Variants in LRP1 observed in about 807,000 individuals in gnomAD.
LRP1 encodes the protein LDL receptor related protein 1.
In LRP1, 51 loss-of-function variants were observed where a neutral mutation model predicts 541.5. The ratio of observed to expected loss-of-function variants is 0.09; its 90% CI spans 0.08 to 0.12. The LOEUF is 0.12. Among genes scored for constraint, LRP1 ranks in the 10% least tolerant of loss-of-function variants. The pLI is 1.00. For synonymous variants in LRP1, 2,219 were observed against 2,470.8 expected, an observed-to-expected ratio of 0.90 and a Z score of 3.02; for missense variants, 3,878 against 6,376.2, an observed-to-expected ratio of 0.61 and a Z score of 13.34.
At position 57,173,695 on chromosome 12, in the gene LRP1, T is replaced by C. The variant is rs1565732636; in HGVS notation, c.3347-85T>C. The C allele has an allele frequency of 3.5e-6, 5 of 1,425,754 alleles. No individual in the cohort carries two copies. Among genetic ancestry groups the C allele is most frequent in the African/African-American group, 1.4e-5 (1 of 71,200 alleles). 88.3% of individuals were successfully genotyped at this position (1,425,754 alleles called of 1,614,324 possible). On this transcript the variant is annotated intron_variant, in intron 21 of 88. Transcript: ENST00000243077. This position sits in a 1 kb window ranked among gnomAD's most constrained non-coding sequence, Gnocchi z 4.7. ...CACAGCGTTGCAATCCTGACCCTATTAGAGAAGCCCACAGGGTCTGGAAGG... is the reference window on the plus strand; with the variant it reads ...CACAGCGTTGCAATCCTGACCCTATCAGAGAAGCCCACAGGGTCTGGAAGG...
In LRP1 at chr12:57,154,706, G is replaced by A. The variant is rs1194814539; in HGVS notation, c.1227+5G>A. 1 of 1,554,126 alleles carries A rather than the reference G, an allele frequency of 6.4e-7. No homozygotes were observed. Among genetic ancestry groups the A allele is most frequent in the Non-Finnish European group, 8.7e-7 (1 of 1,148,244 alleles). ...ACCATCATCCAGGGCATCCTGGTGA[G>A]GGAGCTACTGTCTGAGGTTTTGTGG... On this transcript the variant is annotated splice_donor_5th_base_variant and intron_variant, in intron 8 of 88. Transcript: ENST00000243077. This position sits in a 1 kb window ranked among gnomAD's most constrained non-coding sequence, Gnocchi z 4.6.
chr12:57,178,351 G>C lies in LRP1; in HGVS notation c.4362-8G>C. 6.2e-7 allele frequency: 1 copy of C among 1,610,250 alleles called. No individual in the cohort carries two copies. The highest frequency in any genetic ancestry group is 8.5e-7 in the Non-Finnish European group (1 of 1,177,068). On this transcript the variant is annotated splice_region_variant and splice_polypyrimidine_tract_variant and intron_variant, in intron 26 of 88. Transcript: ENST00000243077. This position sits in a 1 kb window ranked among gnomAD's most constrained non-coding sequence, Gnocchi z 5.8. ...TGGCATCCTCATTCTGCTCCATCATGCTCTTAGGTCAGATGCCATTTACTC... is the reference window on the plus strand; with the variant it reads ...TGGCATCCTCATTCTGCTCCATCATCCTCTTAGGTCAGATGCCATTTACTC...
chr12:57,130,894 G>A (rs778349842), intron 1 of LRP1, among the ~76,000 whole-genome samples: 1 of 152,104 alleles, frequency 6.6e-6, no homozygotes, highest in Non-Finnish European at 1.5e-5. Flanking sequence ...ACTATCCAAA[G>A]CCCCAGGAGA....
rs2036120514 is a variant in LRP1, at chr12:57,179,574, A to G, written c.4966+18A>G. On this transcript the variant is annotated intron_variant, in intron 29 of 88. Coordinates refer to ENST00000243077, the MANE Select transcript of LRP1 (RefSeq NM_002332.3). The surrounding 1 kb of genome is among the most constrained non-coding windows in gnomAD (Gnocchi z 6.8). ...CTCTGCAGGTTCTTCCTGGCCCTGG[A>G]TGCCCACCAGTGGACATGGGCACCT... The G allele has an allele frequency of 3.1e-6, 5 of 1,608,152 alleles. No homozygotes were observed. Among genetic ancestry groups the G allele is most frequent in the Non-Finnish European group, 4.3e-6 (5 of 1,175,374 alleles).
rs373019949 is a variant in LRP1 at position 57,194,389 on chromosome 12, G to A, written c.7954G>A (p.Val2652Met). 1.1e-5 allele frequency: 16 copies of A among 1,515,098 alleles called. No homozygotes were observed. The highest frequency in any genetic ancestry group is 2.8e-5 in the African/African-American group (2 of 71,666). The allele number at this position is 1,515,098 out of a possible 1,614,324, so 93.9% of individuals were successfully genotyped here. A position where few individuals can be genotyped will look rare whatever the true frequency, so the allele number is the denominator to read the frequency against. ...CTGCAGCAGCTACTTCCGCCTGGGC[G>A]TGAAGGGCGTGCTCTTCCAGCCCTG... is the stretch of plus-strand genomic sequence containing the variant. ...TDCSSYFRLG[V>M]KGVLFQPCER... The change falls in exon 49 of 89, where the codon GTG (valine) becomes ATG (methionine). Residue 2652 changes from valine to methionine, a missense_variant. Physicochemically the swap from Val to Met is conservative, Grantham distance 21. This residue lies in a region of LRP1 where 1,100 missense variants were observed against 1,827.4 expected (regional missense o/e 0.60). Coordinates refer to ENST00000243077, the MANE Select transcript of LRP1 (RefSeq NM_002332.3).
At chr12:57,192,421 G>A (rs576528804) in intron 44 of LRP1, among the ~76,000 whole-genome samples, 1 of 152,070 alleles carries the variant, frequency 6.6e-6, no homozygotes, top group Non-Finnish European at 1.5e-5. Flanking sequence ...CTCACTTGGA[G>A]CCACACAGAC....
At position 57,128,683 on chromosome 12, in the gene LRP1, C is replaced by T. The variant is rs1469152801; in HGVS notation, c.-282C>T. 2 of 412,512 alleles carry T rather than the reference C, an allele frequency of 4.8e-6. No homozygotes were observed. Among genetic ancestry groups the T allele is most frequent in the Admixed American group, 8.2e-5 (2 of 24,316 alleles). The allele number at this position is 412,512 out of a possible 1,614,324, so 25.6% of individuals were successfully genotyped here. On this transcript the variant is annotated 5_prime_UTR_variant, in exon 1 of 89. Coordinates refer to ENST00000243077, the MANE Select transcript of LRP1 (RefSeq NM_002332.3). ...CTCCGAGATGGGGCTGTGAGCTTCGCCCGGGGAGGGGGAAAGAGCAGCGAG... is the reference window on the plus strand; with the variant it reads ...CTCCGAGATGGGGCTGTGAGCTTCGTCCGGGGAGGGGGAAAGAGCAGCGAG...
chr12:57,138,687 T>C (rs1592601724), intron 2 of LRP1, 106 bp downstream of exon 2: 1 of 1,452,210 alleles, frequency 6.9e-7, no homozygotes, highest in East Asian at 2.3e-5. Flanking sequence ...ATGTGGACCT[T>C]GCTCAGTGAT....
chr12:57,180,764 C>G lies in LRP1; in HGVS notation c.5484C>G (p.Thr1828=). Residue 1828 remains threonine (T), a synonymous_variant, in exon 33 of 89, where the codon ACC becomes ACG. Coordinates refer to ENST00000243077, the MANE Select transcript of LRP1 (RefSeq NM_002332.3). Reference sequence around the variant, plus strand: ...CCGTGGTCCTTCGGAACAGCACCACCCTGGTGATGCACATGAAGGTCTATG... The same window carrying G: ...CCGTGGTCCTTCGGAACAGCACCACGCTGGTGATGCACATGAAGGTCTATG... ...SGSVVLRNST[T]LVMHMKVYDE... The G allele has an allele frequency of 6.2e-7, 1 of 1,614,062 alleles. No homozygotes were observed. The highest frequency in any genetic ancestry group is 8.5e-7 in the Non-Finnish European group (1 of 1,179,970).
chr12:57,173,811 T>C lies in LRP1; in HGVS notation c.3378T>C (p.Asp1126=). ...GCATCAGCAAAGCGTGGGTGTGTGA[T>C]GGCGACAATGACTGTGAGGATAACT... ...ARCISKAWVC[D]GDNDCEDNSD... The change falls in exon 22 of 89, where the codon GAT becomes GAC. Residue 1126 remains aspartate (D), a synonymous_variant. Coordinates refer to ENST00000243077, the MANE Select transcript of LRP1 (RefSeq NM_002332.3). The surrounding 1 kb of genome is among the most constrained non-coding windows in gnomAD (Gnocchi z 4.7). 6.2e-7 allele frequency: 1 copy of C among 1,614,224 alleles called. No homozygotes were observed. The highest frequency in any genetic ancestry group is 1.1e-5 in the South Asian group (1 of 91,088).
chr12:57,170,687 GGCACATGC>G (rs2035928122), intron 20 of LRP1, among the ~76,000 whole-genome samples: 1 of 152,128 alleles, frequency 6.6e-6, no homozygotes, highest in African/African-American at 2.4e-5. Context: ...TGGGCATGGA[GGCACATGC>G]CTGTAGTCCC....
intron 22 of LRP1, 104 bp from the exon 23 acceptor site, chr12:57,175,356 G>T (rs1358429072): frequency 7.3e-7 from 1 of 1,374,878 alleles, no homozygotes; most frequent in African/African-American, 1.4e-5. Flanking sequence ...CAGGGCACAA[G>T]GACTTGGTCC....
chr12:57,177,805 C>T lies in LRP1; in HGVS notation c.4361+214C>T, dbSNP rs2036079126. ...GTAGAGGAGGCGGAAGCAGGGCCAT[C>T]AGCTGTGGTTATTCACACTGTACCA... is the stretch of plus-strand genomic sequence containing the variant. On this transcript the variant is annotated intron_variant, in intron 26 of 88. Coordinates refer to ENST00000243077, the MANE Select transcript of LRP1 (RefSeq NM_002332.3). This position sits in a 1 kb window ranked among gnomAD's most constrained non-coding sequence, Gnocchi z 6.8. 6.6e-6 allele frequency among the ~76,000 whole-genome samples: 1 copy of T among 152,136 alleles called. No individual in the cohort carries two copies. Among genetic ancestry groups the T allele is most frequent in the South Asian group, 2.1e-4 (1 of 4,836 alleles).
chr12:57,188,880 T>C (rs992513784), intron 42 of LRP1, among the ~76,000 whole-genome samples: 6 of 151,824 alleles, frequency 4.0e-5, no homozygotes, highest in Non-Finnish European at 7.4e-5. Context: ...AGTGGCTGGG[T>C]GGGAGCATGG....
In LRP1 at chr12:57,200,038, C is replaced by T; in HGVS notation, c.10014+13C>T. ...CACGGCTAGCCAGGTGAGGCTGTCCCCCAGACCCCATCACCAGTGCCCGCT... is the reference window on the plus strand; with the variant it reads ...CACGGCTAGCCAGGTGAGGCTGTCCTCCAGACCCCATCACCAGTGCCCGCT... On this transcript the variant is annotated intron_variant, in intron 62 of 88. Coordinates refer to ENST00000243077, the MANE Select transcript of LRP1 (RefSeq NM_002332.3). 6.3e-7 allele frequency: 1 copy of T among 1,585,890 alleles called. No homozygotes were observed. Among genetic ancestry groups the T allele is most frequent in the Non-Finnish European group, 8.5e-7 (1 of 1,170,874 alleles).
At chr12:57,161,896 C>CTACA (rs2035741666) in intron 13 of LRP1, among the ~76,000 whole-genome samples, 1 of 152,214 alleles carries the variant, frequency 6.6e-6, no homozygotes, top group Admixed American at 6.5e-5. Context: ...TTACTACCTA[C>CTACA]TACAGCTCAG....
At chr12:57,149,636 G>A (rs940313025) in intron 6 of LRP1, 8 of 712,398 alleles carry the variant, frequency 1.1e-5, no homozygotes, top group African/African-American at 1.0e-4. Flanking sequence ...ACCTAAGCCA[G>A]GCAGGGGAAG....
chr12:57,188,296 A>G (rs1344252732), intron 42 of LRP1, among the ~76,000 whole-genome samples: 1 of 152,188 alleles, frequency 6.6e-6, no homozygotes, highest in African/African-American at 2.4e-5. Flanking sequence ...CATGTTAGCA[A>G]CATTTTTTTC....
chr12:57,177,712 A>C lies in LRP1; in HGVS notation c.4361+121A>C. The C allele has an allele frequency of 8.2e-7, 1 of 1,222,314 alleles. No homozygotes were observed. The highest frequency in any genetic ancestry group is 1.4e-5 in the South Asian group (1 of 69,090). The allele number at this position is 1,222,314 out of a possible 1,614,324, so 75.7% of individuals were successfully genotyped here. A position where few individuals can be genotyped will look rare whatever the true frequency, so the allele number is the denominator to read the frequency against. On this transcript the variant is annotated intron_variant, in intron 26 of 88. Coordinates refer to ENST00000243077, the MANE Select transcript of LRP1 (RefSeq NM_002332.3). This position sits in a 1 kb window ranked among gnomAD's most constrained non-coding sequence, Gnocchi z 6.8. ...GGGATCTAGAACTAGGAACGGTGGC[A>C]AAGGACTGGGCACAGGAGGAGGAGG...
Sources: gnomAD v4.1 joint callset for allele counts (sites outside exome capture counted in the v4.1 genomes callset) on GRCh38, gnomAD v4.1.1 for gene constraint, gnomAD v4.1.1 regional missense constraint, Gnocchi (gnomAD v3.1) non-coding constraint, MANE v1.5 for transcripts, NCBI Gene and HGNC (gene_info 2026-07-23, HGNC 2026-07-21) for gene names.